Variants in SKAP2 observed in about 807,000 individuals in gnomAD.
The protein encoded by SKAP2 is src kinase-associated phosphoprotein 2.
Under a neutral mutation model 54.9 loss-of-function variants are expected in SKAP2, and 28 were observed. The observed-to-expected ratio is 0.51, with a 90% CI of 0.38 to 0.70. The LOEUF is 0.70. Ranked by LOEUF, SKAP2 falls within the 30% of genes least tolerant of loss-of-function variation. SKAP2 has a pLI of 0.00. For missense variants in SKAP2, 356 were observed against 424.1 expected (o/e 0.84, Z 1.41); for synonymous variants, 137 against 134.3 (o/e 1.02, Z -0.14).
rs1444046543 is a variant in SKAP2, at chr7:26,725,434, G to T, written c.790C>A (p.Leu264Ile). ...ATCACCAGAAAGTAAATACCTGGAA[G>T]TTCTTCATAAATTTCATCATCTATT... ...QPIDDEIYEE[L>I]PEEEEDSAPV... Residue 264 changes from leucine to isoleucine, a missense_variant, in exon 9 of 13, where the codon CTT (leucine) becomes ATT (isoleucine). By Grantham distance (5) the Leu-to-Ile change is conservative. Transcript: ENST00000345317. 6.2e-7 allele frequency: 1 copy of T among 1,609,794 alleles called. No homozygotes were observed. Among genetic ancestry groups the T allele is most frequent in the Admixed American group, 1.7e-5 (1 of 59,746 alleles).
At chr7:26,835,168 A>C (rs911348014) in intron 4 of SKAP2, among the ~76,000 whole-genome samples, 1 of 152,220 alleles carries the variant, frequency 6.6e-6, no homozygotes, top group Non-Finnish European at 1.5e-5. Flanking sequence ...AAAACTCTCA[A>C]TAAAGTAGGT....
At chr7:26,799,102 A>AGGCAGGGCAG (rs1370758651) in intron 4 of SKAP2, among the ~76,000 whole-genome samples, 1 of 140,534 alleles carries the variant, frequency 7.1e-6, no homozygotes, top group Non-Finnish European at 1.6e-5. Context: ...GGGCAAGGCA[A>AGGCAGGGCAG]GGCAAGGCAA....
intron 4 of SKAP2, among the ~76,000 whole-genome samples, chr7:26,776,821 C>T (rs960655588): frequency 2.6e-5 from 4 of 152,190 alleles, no homozygotes; most frequent in Non-Finnish European, 5.9e-5. Flanking sequence ...TGGCTCCTCA[C>T]TGTCTATGTG....
chr7:26,831,786 T>C (rs1784601761), intron 4 of SKAP2, among the ~76,000 whole-genome samples: 1 of 152,088 alleles, frequency 6.6e-6, no homozygotes, highest in Non-Finnish European at 1.5e-5. Context: ...CTATGTTTCA[T>C]TTTTAGAGTG....
chr7:26,736,038 A>G (rs1479438505), intron 6 of SKAP2, among the ~76,000 whole-genome samples: 1 of 152,344 alleles, frequency 6.6e-6, no homozygotes, highest in East Asian at 1.9e-4. Flanking sequence ...TCAGACATCA[A>G]CATGAAAAAG....
intron 4 of SKAP2, among the ~76,000 whole-genome samples, chr7:26,839,543 G>T (rs1387635816): frequency 6.6e-6 from 1 of 151,894 alleles, no homozygotes; most frequent in African/African-American, 2.4e-5. Context: ...ATAATTTTAG[G>T]TGTCAAAAAT....
At chr7:26,708,176 A>AT (rs1351201394) in intron 9 of SKAP2, among the ~76,000 whole-genome samples, 1 of 152,142 alleles carries the variant, frequency 6.6e-6, no homozygotes. Flanking sequence ...GTGAATTGTT[A>AT]TTTTCATAGC....
At chr7:26,798,023 A>G (rs1170718164) in intron 4 of SKAP2, among the ~76,000 whole-genome samples, 2 of 152,070 alleles carry the variant, frequency 1.3e-5, no homozygotes, top group Non-Finnish European at 2.9e-5. Flanking sequence ...AAAAGAAAAA[A>G]GAATAATAAT....
intron 9 of SKAP2, among the ~76,000 whole-genome samples, chr7:26,696,047 C>T (rs78849614): frequency 6.6e-6 from 1 of 152,048 alleles, no homozygotes; most frequent in South Asian, 2.1e-4. Context: ...AAGTTAGAGT[C>T]GAATCTAAGG....
chr7:26,687,111 T>C (rs1169483667), intron 10 of SKAP2, among the ~76,000 whole-genome samples: 2 of 151,294 alleles, frequency 1.3e-5, no homozygotes, highest in Non-Finnish European at 2.9e-5. Context: ...GAAAAGTATA[T>C]GGTGATTTCT....
chr7:26,808,392 T>C (rs935787089), intron 4 of SKAP2, among the ~76,000 whole-genome samples: 2 of 152,300 alleles, frequency 1.3e-5, no homozygotes, highest in South Asian at 4.1e-4. Flanking sequence ...ATGACTTTAC[T>C]CACATGAAGT....
rs1786489914 is a variant in SKAP2, at chr7:26,681,346, A to C, written c.987+3390T>G. On this transcript the variant is annotated intron_variant, in intron 11 of 12. Transcript: ENST00000345317. The stretch of plus-strand genomic sequence containing the variant: ...ACACTCTCAGCTACTTGGGAGGCTG[A>C]GGCAGGAGAATCGCTTAAACCTGGG... 2.0e-5 allele frequency among the ~76,000 whole-genome samples: 3 copies of C among 152,298 alleles called. No individual in the cohort carries two copies. In the South Asian group the frequency reaches 6.2e-4, roughly 32 times the overall value.
chr7:26,687,099 A>G (rs759094923), intron 10 of SKAP2, among the ~76,000 whole-genome samples: 19 of 151,486 alleles, frequency 1.3e-4, no homozygotes, highest in Non-Finnish European at 2.5e-4. Flanking sequence ...AAAGAAGGAA[A>G]AGAAAAGTAT....
chr7:26,795,620 A>G (rs1443007206), intron 4 of SKAP2, among the ~76,000 whole-genome samples: 1 of 152,214 alleles, frequency 6.6e-6, no homozygotes, highest in Non-Finnish European at 1.5e-5. Context: ...AATATAAACA[A>G]TAGCATCATT....
chr7:26,737,130 T>A (rs1010248252), intron 6 of SKAP2, among the ~76,000 whole-genome samples: 2 of 152,184 alleles, frequency 1.3e-5, no homozygotes, highest in Non-Finnish European at 2.9e-5. Flanking sequence ...AGAAGCCTAA[T>A]TGAATCAAAG....
chr7:26,671,944 A>C (rs1786253254), intron 11 of SKAP2, among the ~76,000 whole-genome samples: 1 of 152,050 alleles, frequency 6.6e-6, no homozygotes, highest in African/African-American at 2.4e-5. Context: ...AAACACACGT[A>C]CTTAACGTTC....
At chr7:26,698,870 C>T (rs528547968) in intron 9 of SKAP2, among the ~76,000 whole-genome samples, 1 of 152,296 alleles carries the variant, frequency 6.6e-6, no homozygotes, top group East Asian at 1.9e-4. Flanking sequence ...ATTTTAGAAA[C>T]TTGTATCTGC....
At chr7:26,818,920 C>T (rs1322394992) in intron 4 of SKAP2, among the ~76,000 whole-genome samples, 12 of 152,068 alleles carry the variant, frequency 7.9e-5, no homozygotes, top group African/African-American at 2.2e-4. Flanking sequence ...AGTCAGGAAA[C>T]GACAGATGCT....
intron 9 of SKAP2, among the ~76,000 whole-genome samples, chr7:26,693,044 T>C (rs1786818304): frequency 6.6e-6 from 1 of 152,130 alleles, no homozygotes; most frequent in Non-Finnish European, 1.5e-5. Flanking sequence ...AAGAAGAGAC[T>C]GTGGGGGCTG....
Sources: allele counts gnomAD v4.1 joint callset (sites outside exome capture counted in the v4.1 genomes callset), GRCh38; gene constraint gnomAD v4.1.1; transcripts MANE v1.5; gene names NCBI Gene and HGNC (gene_info 2026-07-23, HGNC 2026-07-21).